Variants in WAS observed in about 807,000 individuals in gnomAD.
WAS encodes the protein WASP actin nucleation promoting factor.
WAS carries 1 observed loss-of-function variant against 38.9 expected under a neutral mutation model. That is an observed-to-expected ratio of 0.03 (90% CI 0.01 to 0.12). The LOEUF is 0.12. WAS is among the 10% of genes least tolerant of loss of function. The pLI, the probability that WAS is intolerant of heterozygous loss-of-function variation, is 1.00. For missense variants in WAS, 311 were observed against 431.2 expected, an observed-to-expected ratio of 0.72 and a Z score of 2.47; for synonymous variants, 182 against 173.6, an observed-to-expected ratio of 1.05 and a Z score of -0.38.
intron 11 of WAS, 165 bp downstream of exon 11, chrX:48,689,599 T>C: frequency 2.1e-6 from 1 of 479,885 alleles, no homozygotes; most frequent in Non-Finnish European, 3.7e-6. Flanking sequence ...CATTAAGTCA[T>C]TATGTGACAA....
intron 1 of WAS, among the ~76,000 whole-genome samples, chrX:48,677,337 G>A (rs781870915): frequency 7.2e-5 from 8 of 111,085 alleles, no homozygotes; most frequent in African/African-American, 2.6e-4. Flanking sequence ...AGGTGAGGAG[G>A]CGCTTGAGGG....
In WAS at chrX:48,688,995, G is replaced by C. The variant is rs782711732; in HGVS notation, c.1267G>C (p.Gly423Arg). 4 of 1,199,440 alleles carry C rather than the reference G, an allele frequency of 3.3e-6. No individual in the cohort carries two copies. In the South Asian group the frequency reaches 7.2e-5, roughly 22 times the overall value. The change falls in exon 10 of 12, where the codon GGG becomes CGG. Residue 423 changes from glycine (G) to arginine (R), a missense_variant. This residue lies in a region of WAS where 142 missense variants were observed against 157.6 expected (regional missense o/e 0.90). Transcript: ENST00000376701. ...ACTCCCTCCTGCTCTGGTGCCTGCC[G>C]GGGGCCTGGCCCCTGGTGGGGGTCG... ...PPLPPALVPAGGLAPGGGRGA... is the reference protein window; with the variant it reads ...PPLPPALVPARGLAPGGGRGA...
At chrX:48,684,017 C>A (rs782271252) in intron 1 of WAS, 32 bp downstream of exon 1, 3 of 1,208,410 alleles carry the variant, frequency 2.5e-6, no homozygotes, top group Non-Finnish European at 3.4e-6. Flanking sequence ...CCCGCCCCGT[C>A]CCCACCGTTT....
chrX:48,688,624 TGA>T (rs1569493993), intron 9 of WAS, 34 bp from the exon 10 acceptor site: 4 of 1,209,351 alleles, frequency 3.3e-6, no homozygotes, highest in Non-Finnish European at 3.4e-6. Flanking sequence ...AAGAAATCAA[TGA>T]GAGTTACAGC....
chrX:48,680,239 C>T (rs1265307329), upstream of WAS, among the ~76,000 whole-genome samples: 1 of 111,611 alleles, frequency 9.0e-6, no homozygotes, highest in East Asian at 2.8e-4. Flanking sequence ...CCCTATTCCT[C>T]CTGAAGAAGT....
At position 48,691,101 on chromosome X, in the gene WAS, C is replaced by T. The variant is rs1557007706; in HGVS notation, c.1454-6C>T. 1.1e-5 allele frequency: 13 copies of T among 1,210,392 alleles called. No homozygotes were observed. Among genetic ancestry groups the T allele is most frequent in the Non-Finnish European group, 1.1e-6 (1 of 894,902 alleles). ...CAGGGCATCTTATCTTTCTCTTTCC[C>T]TCCAGACGAAGGGGAGGACCAGGCT... is the stretch of plus-strand genomic sequence containing the variant. On this transcript the variant is annotated splice_polypyrimidine_tract_variant and splice_region_variant and intron_variant, in intron 11 of 11. Coordinates refer to ENST00000376701, the MANE Select transcript of WAS (RefSeq NM_000377.3).
Position 48,691,353 on chromosome X carries a change from C to T in WAS, c.*191C>T, listed in dbSNP as rs1313661638. 1 of 428,974 alleles carries T rather than the reference C, an allele frequency of 2.3e-6. No homozygotes were observed. Among genetic ancestry groups the T allele is most frequent in the African/African-American group, 2.5e-5 (1 of 39,576 alleles). 35.4% of individuals were successfully genotyped at this position (428,974 alleles called of 1,213,427 possible). On this transcript the variant is annotated 3_prime_UTR_variant, in exon 12 of 12. Coordinates refer to ENST00000376701, the MANE Select transcript of WAS (RefSeq NM_000377.3). ...CAACAATCCCAAGGCCCTTTTTATA[C>T]AAAAATTCTCAGTTCTCTTCACTCA...
Position 48,691,333 on chromosome X carries a change from A to C in WAS, c.*171A>C. ...GCCTGGTCCTCACACTCACCCAACA[A>C]TCCCAAGGCCCTTTTTATACAAAAA... On this transcript the variant is annotated 3_prime_UTR_variant, in exon 12 of 12. Coordinates refer to ENST00000376701, the MANE Select transcript of WAS (RefSeq NM_000377.3). 1.6e-5 allele frequency: 7 copies of C among 451,157 alleles called. No individual in the cohort carries two copies. Among genetic ancestry groups the C allele is most frequent in the East Asian group, 3.8e-5 (1 of 26,008 alleles). 37.2% of individuals were successfully genotyped at this position (451,157 alleles called of 1,213,427 possible).
rs1478850059 is a variant in WAS, at chrX:48,683,991, C to T, written c.132+6C>T. On this transcript the variant is annotated splice_donor_region_variant and intron_variant, in intron 1 of 11. Transcript: ENST00000376701. ...TGCTTGGACGAAAATGCTTGGTGAG[C>T]TGGGGATCTCCTGCCCCCGCCCCGT... The T allele has an allele frequency of 2.5e-6, 3 of 1,208,497 alleles. No individual in the cohort carries two copies. In the East Asian group the frequency reaches 8.9e-5, roughly 36 times the overall value.
rs782712522 is a variant in WAS at position 48,688,333 on chromosome X, T to A, written c.811T>A (p.Phe271Ile). The change falls in exon 9 of 12, where the codon TTC (phenylalanine) becomes ATC (isoleucine). Residue 271 changes from phenylalanine (F) to isoleucine (I), a missense_variant. Around this residue, in one of 4 missense-constraint regions of WAS, gnomAD observed 74 missense variants for 131.2 expected, o/e 0.56. Transcript: ENST00000376701. ...CCTCGACCCAGATCTGCGGAGTCTG[T>A]TCTCCAGGGCAGGAATCAGCGAGGC... ...NNLDPDLRSLFSRAGISEAQL... is the reference protein window; with the variant it reads ...NNLDPDLRSLISRAGISEAQL... The A allele has an allele frequency of 5.0e-6, 6 of 1,208,921 alleles. No homozygotes were observed. The highest frequency in any genetic ancestry group is 6.7e-6 in the Non-Finnish European group (6 of 893,996).
intron 2 of WAS, among the ~76,000 whole-genome samples, chrX:48,685,130 C>T (rs1002917916): frequency 3.6e-5 from 4 of 110,910 alleles, no homozygotes; most frequent in Non-Finnish European, 7.5e-5. Context: ...CTGGACTCCC[C>T]GCGAAACTCC....
Position 48,688,470 on chromosome X carries a change from A to G in WAS, c.931+17A>G. On this transcript the variant is annotated intron_variant, in intron 9 of 11. Transcript: ENST00000376701. ...GGCGCCAGGGTGAGACCCTGCTTCC[A>G]TACGCTCCCTTCTCTAGCCCAAGCA... 8.3e-7 allele frequency: 1 copy of G among 1,210,332 alleles called. No individual in the cohort carries two copies. Among genetic ancestry groups the G allele is most frequent in the African/African-American group, 1.7e-5 (1 of 57,648 alleles).
At chrX:48,681,968 G>A (rs782550903), upstream of WAS, among the ~76,000 whole-genome samples, 13 of 112,208 alleles carry the variant, frequency 1.2e-4, no homozygotes, top group African/African-American at 4.2e-4. Context: ...CCCCCAAACT[G>A]CTGTTCCTGT....
Position 48,685,831 on chromosome X carries a change from G to C in WAS, c.458G>C (p.Ser153Thr). 1.7e-6 allele frequency: 2 copies of C among 1,200,357 alleles called. No homozygotes were observed. Among genetic ancestry groups the C allele is most frequent in the Non-Finnish European group, 2.2e-6 (2 of 889,470 alleles). Residue 153 changes from serine to threonine, a missense_variant, in exon 4 of 12, where the codon AGT becomes ACT. Physicochemically the swap from Ser to Thr is moderately conservative, Grantham distance 58. Coordinates refer to ENST00000376701, the MANE Select transcript of WAS (RefSeq NM_000377.3). ...EKIQKRNQRQ[S>T]GDRRQLPPPP... is the part of the protein sequence containing the mutation. ...ATACAAAAAAGGAATCAGAGGCAAA[G>C]TGGAGGTGAGGAGGCCACAGGGGAG...
upstream of WAS, among the ~76,000 whole-genome samples, chrX:48,680,069 TA>T (rs2062397888): frequency 1.8e-5 from 2 of 111,444 alleles, no homozygotes; most frequent in South Asian, 7.5e-4. Context: ...TGACCCTGCT[TA>T]TTCCTGTGAA....
intron 7 of WAS, among the ~76,000 whole-genome samples, 179 bp from the exon 8 acceptor site, chrX:48,687,875 A>C (rs1276781990): frequency 8.9e-6 from 1 of 112,082 alleles, no homozygotes; most frequent in African/African-American, 3.2e-5. Flanking sequence ...TCAGCACCAC[A>C]AACTATGGAG....
rs1351097717 is a variant in WAS, at chrX:48,689,406, G to A, written c.1425G>A (p.Gln475=). 8.3e-7 allele frequency: 1 copy of A among 1,207,543 alleles called. No homozygotes were observed. The highest frequency in any genetic ancestry group is 1.1e-6 in the Non-Finnish European group (1 of 894,383). Residue 475 remains glutamine (Q), a synonymous_variant, in exon 11 of 12, where the codon CAG becomes CAA. Coordinates refer to ENST00000376701, the MANE Select transcript of WAS (RefSeq NM_000377.3). The stretch of plus-strand genomic sequence containing the variant: ...TGGGGGCCCTGATGCACGTGATGCA[G>A]AAGAGAAGCAGAGCCATCCACTCCT... ...GLVGALMHVM[Q]KRSRAIHSSD...
chrX:48,681,239 C>T (rs2062399992), upstream of WAS, among the ~76,000 whole-genome samples: 1 of 111,565 alleles, frequency 9.0e-6, no homozygotes, highest in African/African-American at 3.3e-5. Context: ...GGCACGATCT[C>T]GGCTCACTGC....
chrX:48,689,661 G>T lies in WAS; in HGVS notation c.1453+227G>T, dbSNP rs1435187613. 6 of 425,463 alleles carry T rather than the reference G, an allele frequency of 1.4e-5. No homozygotes were observed. The East Asian group carries it at 2.4e-4, about 17-fold the overall frequency. 35.1% of individuals were successfully genotyped at this position (425,463 alleles called of 1,213,427 possible). ...GTAATATTAACATTAATGCCAGGGTGTGTCCACAATATTAATGTCATTCCC... is the reference window on the plus strand; with the variant it reads ...GTAATATTAACATTAATGCCAGGGTTTGTCCACAATATTAATGTCATTCCC... On this transcript the variant is annotated intron_variant, in intron 11 of 11. Transcript: ENST00000376701.
Sources: allele counts gnomAD v4.1 joint callset (sites outside exome capture counted in the v4.1 genomes callset), GRCh38; gene constraint gnomAD v4.1.1; regional missense constraint gnomAD v4.1.1; transcripts MANE v1.5; gene names NCBI Gene and HGNC (gene_info 2026-07-23, HGNC 2026-07-21).